SPAG17: variants seen among roughly 807,000 people sequenced by gnomAD.
SPAG17 encodes sperm associated antigen 17.
In SPAG17, 169 loss-of-function variants were observed where a neutral mutation model predicts 273.6. That is an observed-to-expected ratio of 0.62 (90% CI 0.55 to 0.70). The LOEUF is 0.70. SPAG17 is among the 30% of genes least tolerant of loss of function. The probability of loss-of-function intolerance (pLI) is 0.00; values close to 1 mark genes in which losing one functional copy is unlikely to be tolerated. For missense variants in SPAG17, 2,557 were observed against 2,627.8 expected (o/e 0.97, Z 0.59); for synonymous variants, 825 against 873.2 (o/e 0.94, Z 0.97).
intron 18 of SPAG17, among the ~76,000 whole-genome samples, chr1:118,062,224 G>A (rs904578283): frequency 1.3e-4 from 19 of 151,620 alleles, no homozygotes; most frequent in African/African-American, 2.2e-4. Context: ...AAAATTAGCC[G>A]GGCGTAGTGG....
At chr1:118,017,622 G>A (rs1311489915) in intron 28 of SPAG17, among the ~76,000 whole-genome samples, 1 of 152,124 alleles carries the variant, frequency 6.6e-6, no homozygotes. Flanking sequence ...TTGGCAGGAA[G>A]ATGCAAAATC....
chr1:117,989,726 C>A (rs556059869), intron 38 of SPAG17, among the ~76,000 whole-genome samples: 2 of 152,142 alleles, frequency 1.3e-5, no homozygotes, highest in Non-Finnish European at 2.9e-5. Flanking sequence ...CAGGCATGCA[C>A]CACTACACCT....
In SPAG17 at chr1:118,081,112, T is replaced by C; in HGVS notation, c.2198A>G (p.His733Arg). 1.2e-6 allele frequency: 2 copies of C among 1,609,768 alleles called. No homozygotes were observed. Among genetic ancestry groups the C allele is most frequent in the Non-Finnish European group, 1.7e-6 (2 of 1,176,346 alleles). Residue 733 changes from histidine to arginine, a missense_variant, in exon 15 of 49, where the codon CAT (histidine) becomes CGT (arginine). Physicochemically the swap from His to Arg is conservative, Grantham distance 29. Transcript: ENST00000336338. ...ACACTTTAACTTACCCAGAGACTCA[T>C]GTTGGGGCTGAGCCTTCATGATGCT... ...QESIMKAQPQ[H>R]ESLEQTTNNE...
At chr1:118,176,370 G>T (rs545398951) in intron 1 of SPAG17, among the ~76,000 whole-genome samples, 154 of 152,194 alleles carry the variant, frequency 1.0e-3, no homozygotes, top group African/African-American at 3.6e-3. Context: ...AAGTGAAGAG[G>T]TATTTCATGC....
At chr1:117,987,564 T>C (rs1282174172) in intron 40 of SPAG17, among the ~76,000 whole-genome samples, 1 of 152,224 alleles carries the variant, frequency 6.6e-6, no homozygotes, top group Non-Finnish European at 1.5e-5. Context: ...TCCAGAATAT[T>C]TATTAGTATA....
At chr1:118,090,874 C>A (rs926974345) in intron 10 of SPAG17, among the ~76,000 whole-genome samples, 2 of 151,410 alleles carry the variant, frequency 1.3e-5, no homozygotes, top group Admixed American at 6.6e-5. Context: ...CAGAGAGAGA[C>A]CCTGTCTTAA....
intron 45 of SPAG17, among the ~76,000 whole-genome samples, 191 bp from the exon 46 acceptor site, chr1:117,970,307 C>T (rs1005036309): frequency 6.6e-6 from 1 of 152,224 alleles, no homozygotes; most frequent in Non-Finnish European, 1.5e-5. Context: ...AACTGCCTTT[C>T]CAACAGTTTT....
chr1:118,046,400 T>C (rs1049679567), intron 20 of SPAG17, among the ~76,000 whole-genome samples: 3 of 152,022 alleles, frequency 2.0e-5, no homozygotes, highest in African/African-American at 7.2e-5. Context: ...AATGTTTAAT[T>C]TGTAGCAACA....
intron 3 of SPAG17, among the ~76,000 whole-genome samples, chr1:118,130,600 C>A (rs1658006489): frequency 6.6e-6 from 1 of 152,086 alleles, no homozygotes; most frequent in African/African-American, 2.4e-5. Flanking sequence ...AACTCCATCC[C>A]CAACCCCACT....
chr1:118,118,636 C>T (rs2102265957), intron 3 of SPAG17, among the ~76,000 whole-genome samples: 1 of 152,308 alleles, frequency 6.6e-6, no homozygotes, highest in Admixed American at 6.5e-5. Flanking sequence ...CAGGTCAGCT[C>T]TCCAGGCAGA....
chr1:118,041,369 A>G (rs1649731469), intron 21 of SPAG17, among the ~76,000 whole-genome samples: 1 of 151,960 alleles, frequency 6.6e-6, no homozygotes, highest in Admixed American at 6.6e-5. Context: ...CCCTCATAAC[A>G]GCTAGCTGAG....
intron 20 of SPAG17, among the ~76,000 whole-genome samples, chr1:118,051,086 G>A (rs375368372): frequency 2.0e-5 from 3 of 152,002 alleles, no homozygotes; most frequent in South Asian, 2.1e-4. Context: ...CAAAGGACCC[G>A]AGCAGACATT....
At chr1:118,181,184 T>C (rs1034815232) in intron 1 of SPAG17, among the ~76,000 whole-genome samples, 1 of 151,404 alleles carries the variant, frequency 6.6e-6, no homozygotes, top group Non-Finnish European at 1.5e-5. Context: ...CACAAAAAAA[T>C]CAACTAAACA....
chr1:117,970,636 T>C (rs1193415872), intron 45 of SPAG17, among the ~76,000 whole-genome samples: 2 of 152,108 alleles, frequency 1.3e-5, no homozygotes, highest in African/African-American at 4.8e-5. Context: ...TATTGATCTC[T>C]CTCCCTTCCT....
At position 118,066,790 on chromosome 1, in the gene SPAG17, T is replaced by C; in HGVS notation, c.2495A>G (p.His832Arg). The C allele has an allele frequency of 1.2e-6, 2 of 1,613,694 alleles. No individual in the cohort carries two copies. The highest frequency in any genetic ancestry group is 1.7e-5 in the Admixed American group (1 of 59,948). ...FHNPMNRQRL[H>R]CEYWNIALHS... The stretch of plus-strand genomic sequence containing the variant: ...GAGAGCAATGTTCCAATATTCACAA[T>C]GCAAACGTTGTCTATTCATTGGATT... Residue 832 changes from histidine to arginine, a missense_variant, in exon 18 of 49, where the codon CAT becomes CGT. Coordinates refer to ENST00000336338, the MANE Select transcript of SPAG17 (RefSeq NM_206996.4).
Position 118,073,855 on chromosome 1 carries a change from T to C in SPAG17, c.2384A>G (p.Gln795Arg). The C allele has an allele frequency of 1.3e-6, 2 of 1,579,680 alleles. No individual in the cohort carries two copies. Among genetic ancestry groups the C allele is most frequent in the East Asian group, 2.3e-5 (1 of 43,198 alleles). ...TAGAGAATCACAGTCCATAAATACCTGAAGCAGTACTTTCGGTTTAAAATG... is the reference window on the plus strand; with the variant it reads ...TAGAGAATCACAGTCCATAAATACCCGAAGCAGTACTTTCGGTTTAAAATG... The part of the protein sequence containing the change: ...TEHFKPKVLL[Q>R]VLQEAHKQYR... Residue 795 changes from glutamine (Q) to arginine (R), a missense_variant and splice_region_variant, in exon 17 of 49, where the codon CAG (glutamine) becomes CGG (arginine). By Grantham distance (43) the Gln-to-Arg change is conservative. Coordinates refer to ENST00000336338, the MANE Select transcript of SPAG17 (RefSeq NM_206996.4).
chr1:118,183,848 C>T (rs1222169843), intron 1 of SPAG17, among the ~76,000 whole-genome samples: 1 of 152,130 alleles, frequency 6.6e-6, no homozygotes, highest in Non-Finnish European at 1.5e-5. Flanking sequence ...TTTTGGCTAG[C>T]GCTGACTTAT....
chr1:118,120,583 T>C (rs115960587), intron 3 of SPAG17, among the ~76,000 whole-genome samples: 1,725 of 152,320 alleles, frequency 0.011, 31 homozygotes, highest in African/African-American at 0.04. Context: ...CTCAGATTTA[T>C]ACAGTGCTAA....
intron 20 of SPAG17, among the ~76,000 whole-genome samples, chr1:118,045,935 C>T (rs981167182): frequency 6.6e-6 from 1 of 152,122 alleles, no homozygotes; most frequent in Non-Finnish European, 1.5e-5. Flanking sequence ...CAACAAACCC[C>T]AGTAAAAGAA....
Sources: gnomAD v4.1 joint callset for allele counts (sites outside exome capture counted in the v4.1 genomes callset) on GRCh38, gnomAD v4.1.1 for gene constraint, MANE v1.5 for transcripts, NCBI Gene and HGNC (gene_info 2026-07-23, HGNC 2026-07-21) for gene names.